The following RTN3 variants were observed in gnomAD, a reference collection of about 807,000 sequenced individuals.
RTN3 encodes reticulon-3.
RTN3 carries 49 observed loss-of-function variants against 77.8 expected under a neutral mutation model. The ratio of observed to expected loss-of-function variants is 0.63; its 90% CI spans 0.50 to 0.80. RTN3 has a LOEUF of 0.80. RTN3 is among the 30% of genes least tolerant of loss of function. The pLI, the probability that RTN3 is intolerant of heterozygous loss-of-function variation, is 0.00. For synonymous variants in RTN3, 464 were observed against 446.9 expected (o/e 1.04, Z -0.48); for missense variants, 1,236 against 1,211.9 (o/e 1.02, Z -0.29).
At chr11:63,732,944 A>G (rs948656243) in intron 3 of RTN3, among the ~76,000 whole-genome samples, 1 of 152,212 alleles carries the variant, frequency 6.6e-6, no homozygotes, top group East Asian at 1.9e-4. Flanking sequence ...CATACCAGCA[A>G]CATAATAAGA....
intron 3 of RTN3, among the ~76,000 whole-genome samples, chr11:63,732,214 A>T (rs1384851439): frequency 6.6e-6 from 1 of 152,180 alleles, no homozygotes; most frequent in East Asian, 1.9e-4. Context: ...ACTGAAGTGC[A>T]GTAGCATGAT....
At chr11:63,739,627 C>T (rs947866628) in intron 3 of RTN3, among the ~76,000 whole-genome samples, 12 of 152,222 alleles carry the variant, frequency 7.9e-5, no homozygotes, top group African/African-American at 2.7e-4. Context: ...TTGTCCATAG[C>T]TTTAAAAAGG....
chr11:63,693,553 A>C (rs958580340), intron 1 of RTN3, among the ~76,000 whole-genome samples: 4 of 152,202 alleles, frequency 2.6e-5, no homozygotes, highest in African/African-American at 9.6e-5. Context: ...CATAAACTTT[A>C]GGTTAAGAAC....
intron 1 of RTN3, among the ~76,000 whole-genome samples, chr11:63,699,060 G>A (rs117111594): frequency 0.021 from 3,260 of 152,266 alleles, 55 homozygotes; most frequent in Non-Finnish European, 0.035. Flanking sequence ...GGCCAAGGTG[G>A]GCGGGTCACT....
chr11:63,717,971 C>T (rs556404529), intron 2 of RTN3, among the ~76,000 whole-genome samples: 7 of 148,578 alleles, frequency 4.7e-5, no homozygotes, highest in Non-Finnish European at 7.4e-5. Context: ...GCTGAGATTG[C>T]GCCATTGCAC....
At chr11:63,717,467 A>G (rs1250955373) in intron 2 of RTN3, among the ~76,000 whole-genome samples, 1 of 138,802 alleles carries the variant, frequency 7.2e-6, no homozygotes, top group Non-Finnish European at 1.5e-5. Flanking sequence ...CACTGCCATC[A>G]ATGTCTGCCT....
intron 2 of RTN3, among the ~76,000 whole-genome samples, chr11:63,707,142 G>A (rs991139413): frequency 3.9e-5 from 6 of 151,948 alleles, no homozygotes; most frequent in Non-Finnish European, 7.4e-5. Context: ...CAAGTGATTC[G>A]CCTGCCTTGG....
At position 63,718,941 on chromosome 11, in the gene RTN3, C is replaced by T. The variant is rs753735808; in HGVS notation, c.439C>T (p.Leu147Phe). 18 of 1,614,088 alleles carry T rather than the reference C, an allele frequency of 1.1e-5. No homozygotes were observed. Among genetic ancestry groups the T allele is most frequent in the Non-Finnish European group, 1.4e-5 (17 of 1,180,048 alleles). The part of the protein sequence containing the change: ...SNNVSDSSVS[L>F]AAGVHCDRPS... ...CAACGTATCAGACTCTTCAGTTTCT[C>T]TTGCAGCAGGAGTTCATTGTGACCG... The change falls in exon 3 of 9, where the codon CTT becomes TTT. Residue 147 changes from leucine (L) to phenylalanine (F), a missense_variant. By Grantham distance (22) the Leu-to-Phe change is conservative. This residue lies in a region of RTN3 where 1,056 missense variants were observed against 990.4 expected (regional missense o/e 1.07). Transcript: ENST00000377819.
intron 1 of RTN3, among the ~76,000 whole-genome samples, chr11:63,699,428 CTT>C (rs745802809): frequency 1.3e-5 from 2 of 152,154 alleles, no homozygotes; most frequent in African/African-American, 2.4e-5. Context: ...TGTCTTCTCT[CTT>C]GTCAGCAGTC....
At chr11:63,746,973 C>T in intron 3 of RTN3, 1 of 456,048 alleles carries the variant, frequency 2.2e-6, no homozygotes, top group Non-Finnish European at 4.4e-6. Flanking sequence ...ACACTTTGTG[C>T]CTCATCCTGT....
chr11:63,692,170 G>A (rs932345498), intron 1 of RTN3, among the ~76,000 whole-genome samples: 2 of 152,092 alleles, frequency 1.3e-5, no homozygotes, highest in South Asian at 2.1e-4. Flanking sequence ...TTACAGGTGC[G>A]CACCTCCATG....
chr11:63,694,631 G>C (rs12285257), intron 1 of RTN3, among the ~76,000 whole-genome samples: 2,673 of 150,606 alleles, frequency 0.018, 75 homozygotes, highest in African/African-American at 0.063. Context: ...GCTATTTTTT[G>C]TATTTTTCTA....
intron 2 of RTN3, among the ~76,000 whole-genome samples, chr11:63,716,761 C>T (rs569268914): frequency 5.3e-5 from 8 of 152,094 alleles, no homozygotes; most frequent in East Asian, 1.9e-4. Context: ...GTCAGGAGAT[C>T]GAGACCATTC....
intron 1 of RTN3, among the ~76,000 whole-genome samples, chr11:63,690,901 A>AT (rs1941620667): frequency 6.6e-6 from 1 of 152,110 alleles, no homozygotes; most frequent in Admixed American, 6.6e-5. Flanking sequence ...TCTCCATAAA[A>AT]TTCACCATTT....
chr11:63,687,193 C>T (rs1285804221), intron 1 of RTN3, among the ~76,000 whole-genome samples: 1 of 152,214 alleles, frequency 6.6e-6, no homozygotes, highest in Non-Finnish European at 1.5e-5. Flanking sequence ...ACTTGAGCTC[C>T]AGGAATGCCT....
At position 63,704,897 on chromosome 11, in the gene RTN3, G is replaced by T; in HGVS notation, c.189G>T (p.Ser63=). ...CCTCTCAGCCTGTATCTCTATTTTC[G>T]ACCTCACAAGGCAAGTCTGTAATTT... ...SSSSQPVSLF[S]TSQEGLSSLC... The change falls in exon 2 of 9, where the codon TCG becomes TCT. Residue 63 remains serine, a synonymous_variant. Transcript: ENST00000377819. The T allele has an allele frequency of 6.2e-7, 1 of 1,610,414 alleles. No homozygotes were observed. Among genetic ancestry groups the T allele is most frequent in the Non-Finnish European group, 8.5e-7 (1 of 1,177,330 alleles).
chr11:63,681,771 C>A lies in RTN3; in HGVS notation c.135C>A (p.Ser45=). 2 of 1,589,090 alleles carry A rather than the reference C, an allele frequency of 1.3e-6. No homozygotes were observed. Among genetic ancestry groups the A allele is most frequent in the Admixed American group, 3.5e-5 (2 of 56,450 alleles). ...PALGTKSCSS[S]CADSFVSSSS... The stretch of plus-strand genomic sequence containing the variant: ...TGGGGACGAAGAGCTGCAGCTCCTC[C>A]TGTGCGGGTAAGGCGCGCGGGGAGC... Residue 45 remains serine (S), a synonymous_variant, in exon 1 of 9, where the codon TCC becomes TCA. Coordinates refer to ENST00000377819, the MANE Select transcript of RTN3 (RefSeq NM_001265589.2).
rs186618572 is a variant in RTN3 at position 63,681,535 on chromosome 11, A to G, written c.-102A>G. On this transcript the variant is annotated 5_prime_UTR_variant, in exon 1 of 9. Transcript: ENST00000377819. ...AGTCTGTCCTCGGAGCAGGCGGAGT[A>G]AAGGGACTTGAGCGAGCCAGTTGCC... 0.019 allele frequency: 23,140 copies of G among 1,245,492 alleles called. 263 individuals carry two copies. The highest frequency in any genetic ancestry group is 0.022 in the Non-Finnish European group (20,297 of 912,548). 77.2% of individuals were successfully genotyped at this position (1,245,492 alleles called of 1,614,324 possible).
chr11:63,740,394 G>A (rs1205989343), intron 3 of RTN3, among the ~76,000 whole-genome samples: 1 of 149,866 alleles, frequency 6.7e-6, no homozygotes, highest in Non-Finnish European at 1.5e-5. Flanking sequence ...TGATTCTCCT[G>A]CCTCAGCCTC....
Sources: gnomAD v4.1 joint callset for allele counts (sites outside exome capture counted in the v4.1 genomes callset) on GRCh38, gnomAD v4.1.1 for gene constraint, gnomAD v4.1.1 regional missense constraint, MANE v1.5 for transcripts, NCBI Gene and HGNC (gene_info 2026-07-23, HGNC 2026-07-21) for gene names.